PCYT1B: variants seen among roughly 807,000 people sequenced by gnomAD.
PCYT1B encodes choline-phosphate cytidylyltransferase B.
Under a neutral mutation model 26.4 loss-of-function variants are expected in PCYT1B, and 10 were observed. The observed-to-expected ratio is 0.38, with a 90% CI of 0.23 to 0.64. The LOEUF (loss-of-function observed/expected upper bound fraction) is 0.64, where lower values mean the gene tolerates loss of function less well. Among genes scored for constraint, PCYT1B ranks in the 30% least tolerant of loss-of-function variants. The pLI, the probability that PCYT1B is intolerant of heterozygous loss-of-function variation, is 0.56. For missense variants in PCYT1B, 161 were observed against 292.7 expected, an observed-to-expected ratio of 0.55 and a Z score of 3.28; for synonymous variants, 131 against 108.4, an observed-to-expected ratio of 1.21 and a Z score of -1.29.
chrX:24,641,295 T>C (rs1187541659), intron 1 of PCYT1B, among the ~76,000 whole-genome samples: 1 of 111,936 alleles, frequency 8.9e-6, no homozygotes, highest in Non-Finnish European at 1.9e-5. Context: ...GGGGCATTTA[T>C]CTCTTTAGTG....
At position 24,654,472 on chromosome X, in the gene PCYT1B, G is replaced by A. The variant is rs1241756876; in HGVS notation, c.63+18098C>T. 2.9e-5 allele frequency among the ~76,000 whole-genome samples: 3 copies of A among 103,456 alleles called. No homozygotes were observed. In the Admixed American group the frequency reaches 3.1e-4, roughly 11 times the overall value. 89.8% of individuals were successfully genotyped at this position (103,456 alleles called of 115,157 possible). ...ATTTACCAAACAAGAAATTTATGGC[G>A]GGGTGGCGTGACTCACACCTGTAAT... On this transcript the variant is annotated intron_variant, in intron 1 of 7. Coordinates refer to the PCYT1B transcript ENST00000379145.
At chrX:24,577,696 G>A (rs1182591738) in intron 6 of PCYT1B, among the ~76,000 whole-genome samples, 2 of 112,232 alleles carry the variant, frequency 1.8e-5, no homozygotes, top group South Asian at 3.7e-4. Flanking sequence ...GATCAATTGT[G>A]TGAGCTATTG....
chrX:24,583,324 C>T (rs767239378), intron 5 of PCYT1B, among the ~76,000 whole-genome samples: 2 of 111,743 alleles, frequency 1.8e-5, no homozygotes, highest in East Asian at 5.6e-4. Flanking sequence ...AGCCAGCATC[C>T]AAGGCCAGCC....
At chrX:24,639,741 A>C (rs1402594472) in intron 1 of PCYT1B, among the ~76,000 whole-genome samples, 1 of 111,344 alleles carries the variant, frequency 9.0e-6, no homozygotes, top group African/African-American at 3.3e-5. Context: ...TCCTCTTATA[A>C]CTTGTTCTTG....
chrX:24,624,035 A>G (rs758958435), intron 1 of PCYT1B, among the ~76,000 whole-genome samples: 7 of 101,635 alleles, frequency 6.9e-5, no homozygotes, highest in Admixed American at 4.4e-4. Flanking sequence ...GCAGTGGCGC[A>G]ATCTGCTCAC....
chrX:24,613,877 T>C (rs1445378085), intron 2 of PCYT1B, among the ~76,000 whole-genome samples: 1 of 102,073 alleles, frequency 9.8e-6, no homozygotes, highest in East Asian at 3.1e-4. Flanking sequence ...TGCTTGGGCC[T>C]GGGAGGTTAA....
chrX:24,564,053 G>A (rs982001348), intron 7 of PCYT1B, among the ~76,000 whole-genome samples: 1 of 110,625 alleles, frequency 9.0e-6, no homozygotes, highest in East Asian at 2.9e-4. Context: ...AGGGTGGTGG[G>A]CACCTGTAAT....
intron 3 of PCYT1B, among the ~76,000 whole-genome samples, chrX:24,596,373 C>T (rs1289408777): frequency 1.8e-5 from 2 of 110,991 alleles, no homozygotes; most frequent in African/African-American, 3.3e-5. Context: ...GGGCAGATCA[C>T]TTGAGGTCAG....
chrX:24,659,832 C>G (rs1019982585), intron 1 of PCYT1B, among the ~76,000 whole-genome samples: 1 of 111,813 alleles, frequency 8.9e-6, no homozygotes, highest in African/African-American at 3.3e-5. Context: ...CTTTAATCCA[C>G]TCATGAGGTC....
chrX:24,592,947 C>T (rs1924618729), intron 3 of PCYT1B, among the ~76,000 whole-genome samples: 1 of 111,531 alleles, frequency 9.0e-6, no homozygotes, highest in African/African-American at 3.3e-5. Context: ...GAGTTTTGCT[C>T]TTGTTGCCCA....
rs1923257924 is a variant in PCYT1B at position 24,558,769 on chromosome X, C to T, written c.*3524G>A. 9.1e-6 allele frequency: 1 copy of T among 109,706 alleles called. No individual in the cohort carries two copies. Among genetic ancestry groups the T allele is most frequent in the Admixed American group, 9.9e-5 (1 of 10,079 alleles). The allele number at this position is 109,706 out of a possible 1,213,427, so 9.0% of individuals were successfully genotyped here. A position where few individuals can be genotyped will look rare whatever the true frequency, so the allele number is the denominator to read the frequency against. On this transcript the variant is annotated 3_prime_UTR_variant, in exon 8 of 8. Transcript: ENST00000379144. ...TTTGCCTTGGTAAGGTCCTGACACA[C>T]AGGAGCATGCTTGCCAGAAGCAAGT...
At chrX:24,637,491 AATATAT>A (rs1555963533) in intron 1 of PCYT1B, among the ~76,000 whole-genome samples, 7 of 52,894 alleles carry the variant, frequency 1.3e-4, no homozygotes, top group Non-Finnish European at 2.0e-4. Context: ...AAAAAAAAAA[AATATAT>A]ATATATATAT....
intron 6 of PCYT1B, among the ~76,000 whole-genome samples, chrX:24,576,552 G>T (rs575789790): frequency 9.0e-6 from 1 of 111,321 alleles, no homozygotes. Flanking sequence ...TGATCCACTC[G>T]CCTCGGCCTT....
intron 3 of PCYT1B, among the ~76,000 whole-genome samples, chrX:24,593,445 CTTTTCTTTT>C (rs1924651107): frequency 1.3e-4 from 2 of 15,641 alleles, no homozygotes; most frequent in Admixed American, 1.4e-3. Flanking sequence ...TTCTTTCTTT[CTTTTCTTTT>C]CTTTTCTTTT....
intron 7 of PCYT1B, among the ~76,000 whole-genome samples, chrX:24,564,445 C>T (rs1426810756): frequency 8.3e-5 from 9 of 108,663 alleles, no homozygotes; most frequent in Non-Finnish European, 1.1e-4. Flanking sequence ...CTCCGCCTCC[C>T]GGGTTCACGC....
intron 1 of PCYT1B, among the ~76,000 whole-genome samples, chrX:24,638,371 C>T (rs891402819): frequency 2.4e-4 from 27 of 111,876 alleles, no homozygotes; most frequent in African/African-American, 8.8e-4. Context: ...TAAACTGTCT[C>T]TTTATCCCCA....
chrX:24,643,135 A>C (rs1253520900), intron 1 of PCYT1B, among the ~76,000 whole-genome samples: 3 of 111,636 alleles, frequency 2.7e-5, no homozygotes, highest in Non-Finnish European at 5.6e-5. Flanking sequence ...ATTCTCAAGC[A>C]GACAACTTTC....
intron 1 of PCYT1B, among the ~76,000 whole-genome samples, chrX:24,654,780 A>G (rs556926052): frequency 1.0e-5 from 1 of 100,268 alleles, no homozygotes; most frequent in South Asian, 4.9e-4. Flanking sequence ...AAAGAAATGT[A>G]TCATGAAGAA....
At chrX:24,653,285 G>A (rs1475476033) in intron 1 of PCYT1B, among the ~76,000 whole-genome samples, 1 of 111,134 alleles carries the variant, frequency 9.0e-6, no homozygotes, top group Non-Finnish European at 1.9e-5. Context: ...TAATGACTAT[G>A]ACGTTACCAT....
Sources: allele counts gnomAD v4.1 joint callset (sites outside exome capture counted in the v4.1 genomes callset), GRCh38; gene constraint gnomAD v4.1.1; transcripts MANE v1.5; gene names NCBI Gene and HGNC (gene_info 2026-07-23, HGNC 2026-07-21).